The following NRG1 variants were observed in gnomAD, a reference collection of about 807,000 sequenced individuals.
NRG1 encodes pro-neuregulin-1, membrane-bound isoform.
Under a neutral mutation model 63.8 loss-of-function variants are expected in NRG1, and 18 were observed. The ratio of observed to expected loss-of-function variants is 0.28; its 90% confidence interval spans 0.19 to 0.42. The LOEUF is 0.42. Ranked by LOEUF, NRG1 falls within the 10% of genes least tolerant of loss-of-function variation. The pLI, the probability that NRG1 is intolerant of heterozygous loss-of-function variation, is 1.00. For missense variants in NRG1, 762 were observed against 814.7 expected (o/e 0.94, Z 0.79); for synonymous variants, 302 against 301.3 (o/e 1.00, Z -0.02).
At chr8:31,777,517 C>T (rs1015969048) in intron 1 of NRG1, among the ~76,000 whole-genome samples, 1 of 152,224 alleles carries the variant, frequency 6.6e-6, no homozygotes, top group Non-Finnish European at 1.5e-5. Context: ...CTGGCACTAG[C>T]CCTTGTGCCC....
chr8:32,604,611 C>CAG (rs938381158), intron 2 of NRG1, among the ~76,000 whole-genome samples: 1 of 152,118 alleles, frequency 6.6e-6, no homozygotes, highest in Non-Finnish European at 1.5e-5. Context: ...GACTGGAGTG[C>CAG]AGTGACTCTT....
At chr8:31,889,963 G>GA (rs1480763573) in intron 1 of NRG1, among the ~76,000 whole-genome samples, 1 of 152,074 alleles carries the variant, frequency 6.6e-6, no homozygotes, top group African/African-American at 2.4e-5. Context: ...AAAAAAGAAA[G>GA]AAAAAAGGGA....
At chr8:32,565,906 A>C (rs545978943) in intron 1 of NRG1, among the ~76,000 whole-genome samples, 1 of 152,150 alleles carries the variant, frequency 6.6e-6, no homozygotes, top group Non-Finnish European at 1.5e-5. Context: ...ATAGAAGCAC[A>C]TTCCTGCCGA....
At chr8:32,440,942 C>T (rs1401586907) in intron 1 of NRG1, among the ~76,000 whole-genome samples, 1 of 152,038 alleles carries the variant, frequency 6.6e-6, no homozygotes, top group Admixed American at 6.6e-5. Flanking sequence ...AATTGAGAAA[C>T]AGAATTTGAC....
intron 1 of NRG1, among the ~76,000 whole-genome samples, chr8:31,878,979 G>A (rs980976598): frequency 1.6e-4 from 24 of 151,848 alleles, no homozygotes; most frequent in Admixed American, 6.6e-5. Flanking sequence ...CAGCCTGGGC[G>A]ACAGAGCAAG....
At chr8:31,920,913 T>TAGAC (rs1554576967) in intron 1 of NRG1, among the ~76,000 whole-genome samples, 2 of 129,140 alleles carry the variant, frequency 1.5e-5, no homozygotes, top group African/African-American at 5.2e-5. Context: ...GATAGATAGA[T>TAGAC]AGATAGATAG....
intron 1 of NRG1, among the ~76,000 whole-genome samples, chr8:31,867,588 T>G (rs1829077261): frequency 1.2e-5 from 1 of 82,962 alleles, no homozygotes; most frequent in Non-Finnish European, 2.5e-5. Flanking sequence ...TTGTACTTTT[T>G]GGGAAAATAA....
At chr8:31,873,628 G>A (rs1829679813) in intron 1 of NRG1, among the ~76,000 whole-genome samples, 1 of 152,194 alleles carries the variant, frequency 6.6e-6, no homozygotes, top group Non-Finnish European at 1.5e-5. Context: ...GAGAGGCTGA[G>A]AAGAACAAGA....
intron 1 of NRG1, among the ~76,000 whole-genome samples, chr8:31,932,317 G>C (rs1159606109): frequency 2.6e-5 from 4 of 152,104 alleles, no homozygotes; most frequent in African/African-American, 9.7e-5. Context: ...AGGAATACTT[G>C]GATGTACAAA....
At chr8:31,917,511 G>T (rs1294687269) in intron 1 of NRG1, among the ~76,000 whole-genome samples, 1 of 151,310 alleles carries the variant, frequency 6.6e-6, no homozygotes, top group Non-Finnish European at 1.5e-5. Context: ...AGATCAGATA[G>T]TTGTAGATAT....
At chr8:32,310,913 A>G (rs758724180) in intron 1 of NRG1, among the ~76,000 whole-genome samples, 6 of 152,008 alleles carry the variant, frequency 3.9e-5, no homozygotes, top group Non-Finnish European at 8.8e-5. Context: ...TGTTCCCTCT[A>G]CCTGGAACAT....
intron 1 of NRG1, among the ~76,000 whole-genome samples, chr8:32,551,578 G>A (rs995115465): frequency 1.3e-5 from 2 of 152,132 alleles, no homozygotes; most frequent in South Asian, 2.1e-4. Flanking sequence ...ACTGATATGC[G>A]ATACATACAT....
intron 1 of NRG1, among the ~76,000 whole-genome samples, chr8:32,564,504 T>G (rs964406020): frequency 2.0e-4 from 30 of 152,222 alleles, no homozygotes; most frequent in Non-Finnish European, 1.0e-4. Context: ...GTAATAAAGT[T>G]AAAAGCTGCC....
At chr8:32,677,851 G>A (rs1043984102) in intron 5 of NRG1, among the ~76,000 whole-genome samples, 2 of 152,026 alleles carry the variant, frequency 1.3e-5, no homozygotes, top group African/African-American at 4.8e-5. Context: ...CACTTATAAA[G>A]TCAAGAGTAA....
At chr8:32,733,337 T>C (rs1824213524) in intron 6 of NRG1, among the ~76,000 whole-genome samples, 1 of 152,170 alleles carries the variant, frequency 6.6e-6, no homozygotes, top group South Asian at 2.1e-4. Context: ...TGAAGCCATG[T>C]AGGGCCTTAT....
chr8:32,029,086 T>C (rs1033919853), intron 1 of NRG1, among the ~76,000 whole-genome samples: 2 of 152,216 alleles, frequency 1.3e-5, no homozygotes, highest in African/African-American at 4.8e-5. Context: ...AAGTGTCTTC[T>C]AAGTCATTCT....
intron 1 of NRG1, among the ~76,000 whole-genome samples, chr8:32,298,407 A>G (rs1194690761): frequency 1.3e-5 from 2 of 152,160 alleles, no homozygotes; most frequent in Non-Finnish European, 2.9e-5. Flanking sequence ...TCATCTTCCA[A>G]ACTACACTTA....
At chr8:32,160,531 T>A (rs1563854614) in intron 1 of NRG1, among the ~76,000 whole-genome samples, 1 of 152,234 alleles carries the variant, frequency 6.6e-6, no homozygotes, top group Non-Finnish European at 1.5e-5. Context: ...CCAGAGTCTA[T>A]GACCTTAACC....
chr8:32,368,554 A>AAAAC (rs1287592478), intron 1 of NRG1, among the ~76,000 whole-genome samples: 1 of 152,198 alleles, frequency 6.6e-6, no homozygotes, highest in Non-Finnish European at 1.5e-5. Flanking sequence ...CTCATCTTTA[A>AAAAC]AAACAAACAA....
Sources: allele counts gnomAD v4.1 joint callset (sites outside exome capture counted in the v4.1 genomes callset), GRCh38; gene constraint gnomAD v4.1.1; transcripts MANE v1.5; gene names NCBI Gene and HGNC (gene_info 2026-07-23, HGNC 2026-07-21).